ARHGAP44: variants seen among roughly 807,000 people sequenced by gnomAD.
ARHGAP44 encodes the protein Rho GTPase activating protein 44.
Under a neutral mutation model 106.8 loss-of-function variants are expected in ARHGAP44, and 43 were observed. That is an observed-to-expected ratio of 0.40 (90% CI 0.32 to 0.52). ARHGAP44 has a LOEUF of 0.52. Among genes scored for constraint, ARHGAP44 ranks in the 20% least tolerant of loss-of-function variants. The pLI is 0.48. For missense variants in ARHGAP44, 866 were observed against 1,050.5 expected, an observed-to-expected ratio of 0.82 and a Z score of 2.43; for synonymous variants, 439 against 410.3, an observed-to-expected ratio of 1.07 and a Z score of -0.85.
rs2038930897 is a variant in ARHGAP44, at chr17:12,949,037, A to T, written c.862-103A>T. On this transcript the variant is annotated intron_variant, in intron 10 of 20. Coordinates refer to ENST00000379672, the MANE Select transcript of ARHGAP44 (RefSeq NM_014859.6). The surrounding 1 kb of genome is among the most constrained non-coding windows in gnomAD (Gnocchi z 4.1). ...TTGGGAGATGGTGTTGGGCAAATGC[A>T]TGTAAGAGGTTTTGGAGAAAAGAAG... 1 of 1,130,750 alleles carries T rather than the reference A, an allele frequency of 8.8e-7. No homozygotes were observed. The highest frequency in any genetic ancestry group is 2.0e-5 in the Admixed American group (1 of 49,806). The allele number at this position is 1,130,750 out of a possible 1,614,324, so 70.0% of individuals were successfully genotyped here. A position where few individuals can be genotyped will look rare whatever the true frequency, so the allele number is the denominator to read the frequency against.
chr17:12,842,714 A>C (rs1019527276), intron 1 of ARHGAP44, among the ~76,000 whole-genome samples: 3 of 152,168 alleles, frequency 2.0e-5, no homozygotes, highest in African/African-American at 7.2e-5. Context: ...CTAAACCCCG[A>C]CTGTGTATCC....
chr17:12,839,244 A>G (rs8082570), intron 1 of ARHGAP44, among the ~76,000 whole-genome samples: 35,212 of 152,034 alleles, frequency 0.23, 6,070 homozygotes, highest in African/African-American at 0.47. Flanking sequence ...TTAGAAGGTG[A>G]TAATCTTCCT....
intron 1 of ARHGAP44, among the ~76,000 whole-genome samples, chr17:12,845,554 C>T (rs989323601): frequency 2.6e-5 from 4 of 151,404 alleles, no homozygotes; most frequent in African/African-American, 9.7e-5. Flanking sequence ...CTTTTAGAAC[C>T]TAAACCCATA....
intron 1 of ARHGAP44, among the ~76,000 whole-genome samples, chr17:12,796,548 A>G (rs190864319): frequency 6.6e-6 from 1 of 150,694 alleles, no homozygotes; most frequent in Admixed American, 6.6e-5. Flanking sequence ...CAGGTGTGCA[A>G]CACCATACCT....
At chr17:12,985,990 A>G (rs2039946985) in intron 20 of ARHGAP44, 1 of 152,156 alleles carries the variant, frequency 6.6e-6, no homozygotes, top group South Asian at 2.1e-4. Flanking sequence ...CCTTCTCCAA[A>G]AGAGTGATTT....
intron 1 of ARHGAP44, among the ~76,000 whole-genome samples, chr17:12,811,605 T>C (rs1449840314): frequency 6.6e-6 from 1 of 152,192 alleles, no homozygotes; most frequent in Admixed American, 6.5e-5. Context: ...CAACTGTATA[T>C]ACGTCTGAAA....
At chr17:12,789,994 C>T (rs1219893780) in intron 1 of ARHGAP44, 103 bp downstream of exon 1, 1 of 1,143,430 alleles carries the variant, frequency 8.7e-7, no homozygotes, top group African/African-American at 1.7e-5. Context: ...CTCCTTGCCT[C>T]AGTCCTTTCC....
chr17:12,967,682 C>T (rs916668099), intron 16 of ARHGAP44, among the ~76,000 whole-genome samples: 5 of 152,146 alleles, frequency 3.3e-5, no homozygotes, highest in Non-Finnish European at 5.9e-5. Flanking sequence ...CGCTGAGCAC[C>T]TCCTCACCAA....
intron 1 of ARHGAP44, among the ~76,000 whole-genome samples, chr17:12,875,154 G>A (rs1183435576): frequency 6.6e-6 from 1 of 152,144 alleles, no homozygotes; most frequent in African/African-American, 2.4e-5. Context: ...CAGAATTTCT[G>A]ATTCTATGGG....
chr17:12,846,278 G>T (rs2035568046), intron 1 of ARHGAP44, among the ~76,000 whole-genome samples: 1 of 151,902 alleles, frequency 6.6e-6, no homozygotes, highest in Non-Finnish European at 1.5e-5. Flanking sequence ...TTTTTTAACA[G>T]TGTAAATTTA....
At chr17:12,934,726 G>C (rs1032935566) in intron 7 of ARHGAP44, among the ~76,000 whole-genome samples, 13 of 152,108 alleles carry the variant, frequency 8.5e-5, no homozygotes, top group South Asian at 2.1e-4. Flanking sequence ...TGGATACATT[G>C]ACATACATTT....
intron 18 of ARHGAP44, among the ~76,000 whole-genome samples, chr17:12,979,302 A>G (rs1346367872): frequency 1.3e-5 from 2 of 152,226 alleles, no homozygotes; most frequent in East Asian, 1.9e-4. Context: ...TCCTCAGAAG[A>G]AGGCTGAGGA....
chr17:12,824,291 A>G (rs115630050), intron 1 of ARHGAP44, among the ~76,000 whole-genome samples: 2,681 of 152,142 alleles, frequency 0.018, 79 homozygotes, highest in African/African-American at 0.062. Flanking sequence ...TGAGCAGAGG[A>G]GTGATATGAT....
chr17:12,977,380 C>G (rs1156954084), intron 18 of ARHGAP44, among the ~76,000 whole-genome samples: 2 of 152,066 alleles, frequency 1.3e-5, no homozygotes, highest in Admixed American at 6.6e-5. Flanking sequence ...TCTGGCTCCC[C>G]CTCCCCTGAT....
In ARHGAP44 at chr17:12,958,686, T is replaced by C. The variant is rs1206041230; in HGVS notation, c.1343-31T>C. The C allele has an allele frequency of 2.5e-6, 4 of 1,606,390 alleles. No individual in the cohort carries two copies. Among genetic ancestry groups the C allele is most frequent in the Non-Finnish European group, 3.4e-6 (4 of 1,174,412 alleles). On this transcript the variant is annotated intron_variant, in intron 15 of 20. Coordinates refer to ENST00000379672, the MANE Select transcript of ARHGAP44 (RefSeq NM_014859.6). This position sits in a 1 kb window ranked among gnomAD's most constrained non-coding sequence, Gnocchi z 4.1. Reference sequence around the variant, plus strand: ...CAGGAAGGGTGTGGCAGACCAAGAGTTCACATGTACCAATTCTTTCTTCCC... The same window carrying C: ...CAGGAAGGGTGTGGCAGACCAAGAGCTCACATGTACCAATTCTTTCTTCCC...
At chr17:12,926,136 G>A (rs1342284267) in intron 6 of ARHGAP44, among the ~76,000 whole-genome samples, 1 of 152,002 alleles carries the variant, frequency 6.6e-6, no homozygotes. Flanking sequence ...AGGCGAATGA[G>A]GGTGGATGGC....
intron 1 of ARHGAP44, among the ~76,000 whole-genome samples, chr17:12,821,966 A>G (rs9904124): frequency 0.01 from 1,524 of 152,282 alleles, 26 homozygotes; most frequent in African/African-American, 0.035. Context: ...ACATATAAAG[A>G]CCTATAGTCC....
At chr17:12,833,845 A>G (rs2035158339) in intron 1 of ARHGAP44, among the ~76,000 whole-genome samples, 1 of 152,152 alleles carries the variant, frequency 6.6e-6, no homozygotes, top group African/African-American at 2.4e-5. Context: ...AAAAGTTCTT[A>G]TCAATAGGAA....
chr17:12,962,835 C>T (rs572481545), intron 16 of ARHGAP44, among the ~76,000 whole-genome samples: 3 of 152,140 alleles, frequency 2.0e-5, no homozygotes, highest in East Asian at 1.9e-4. Context: ...CACCTGAGGC[C>T]GAGAGTTCAA....
Sources: gnomAD v4.1 joint callset for allele counts (sites outside exome capture counted in the v4.1 genomes callset) on GRCh38, gnomAD v4.1.1 for gene constraint, Gnocchi (gnomAD v3.1) non-coding constraint, MANE v1.5 for transcripts, NCBI Gene and HGNC (gene_info 2026-07-23, HGNC 2026-07-21) for gene names.